PARG: variants seen among roughly 807,000 people sequenced by gnomAD.
PARG encodes mitochondrial poly(ADP-ribose) glycohydrolase.
In PARG, 35 loss-of-function variants were observed where a neutral mutation model predicts 113.0. The observed-to-expected ratio is 0.31, with a 90% CI of 0.24 to 0.41. PARG has a LOEUF of 0.41. Among genes scored for constraint, PARG ranks in the 10% least tolerant of loss-of-function variants. The probability of loss-of-function intolerance (pLI) is 1.00; values close to 1 mark genes in which losing one functional copy is unlikely to be tolerated. For synonymous variants in PARG, 330 were observed against 409.9 expected, an observed-to-expected ratio of 0.81 and a Z score of 2.36; for missense variants, 797 against 1,169.4, an observed-to-expected ratio of 0.68 and a Z score of 4.64.
intron 7 of PARG, among the ~76,000 whole-genome samples, chr10:49,887,842 G>A (rs1847573329): frequency 6.6e-6 from 1 of 152,108 alleles, no homozygotes; most frequent in African/African-American, 2.4e-5. Flanking sequence ...AATTCACTCT[G>A]CACATCTGTC....
chr10:49,884,032 G>A (rs1236321689), intron 8 of PARG, among the ~76,000 whole-genome samples: 2 of 152,028 alleles, frequency 1.3e-5, no homozygotes, highest in Admixed American at 1.3e-4. Context: ...CCATGTCAGG[G>A]CGTTCTGCCA....
intron 16 of PARG, among the ~76,000 whole-genome samples, chr10:49,820,873 A>G (rs1844040100): frequency 6.6e-6 from 1 of 152,198 alleles, no homozygotes; most frequent in Admixed American, 6.5e-5. Context: ...GCTGCAAACC[A>G]TGGGACTAAG....
chr10:49,919,808 G>A (rs2132873163), intron 6 of PARG, among the ~76,000 whole-genome samples: 1 of 152,304 alleles, frequency 6.6e-6, no homozygotes, highest in Middle Eastern at 3.4e-3. Context: ...TTGAGCCAGG[G>A]AGGTGTAGGT....
At chr10:49,886,394 G>C (rs1431196099) in intron 7 of PARG, among the ~76,000 whole-genome samples, 1 of 152,204 alleles carries the variant, frequency 6.6e-6, no homozygotes, top group Non-Finnish European at 1.5e-5. Context: ...TATTTGCCCT[G>C]ATTTTGCCAG....
intron 4 of PARG, among the ~76,000 whole-genome samples, chr10:49,923,056 T>C (rs185131287): frequency 2.2e-3 from 329 of 152,348 alleles, no homozygotes; most frequent in African/African-American, 7.6e-3. Context: ...TCATATACGT[T>C]CTTATCAAAA....
chr10:49,908,292 T>C (rs1836972885), intron 7 of PARG, among the ~76,000 whole-genome samples: 2 of 152,194 alleles, frequency 1.3e-5, no homozygotes, highest in Admixed American at 1.3e-4. Context: ...TATGTCCCAA[T>C]TCAAAAGCAC....
chr10:49,908,635 A>G (rs1836992333), intron 7 of PARG: 1 of 152,230 alleles, frequency 6.6e-6, no homozygotes, highest in Non-Finnish European at 1.5e-5. Context: ...TGTGACAAAT[A>G]TAACAAAGAT....
At chr10:49,940,890 C>T (rs1187799425) in intron 1 of PARG, among the ~76,000 whole-genome samples, 3 of 152,164 alleles carry the variant, frequency 2.0e-5, no homozygotes, top group Non-Finnish European at 4.4e-5. Flanking sequence ...TTCTACAGTC[C>T]TCAGAATAAG....
chr10:49,852,576 T>C (rs1554834387), intron 13 of PARG, among the ~76,000 whole-genome samples: 2 of 146,680 alleles, frequency 1.4e-5, no homozygotes, highest in African/African-American at 5.0e-5. Context: ...CTTTTTTTCT[T>C]TTTTTTGAGA....
chr10:49,879,544 G>A, intron 9 of PARG, 129 bp downstream of exon 9: 6 of 599,652 alleles, frequency 1.0e-5, no homozygotes, highest in Admixed American at 3.1e-5. Context: ...TGTCACTTAA[G>A]TACTGTAAAA....
chr10:49,839,398 C>T (rs961360255), intron 15 of PARG, among the ~76,000 whole-genome samples: 23 of 152,052 alleles, frequency 1.5e-4, no homozygotes, highest in African/African-American at 5.3e-4. Context: ...TTTTGAGACA[C>T]TTCCATAAGG....
At chr10:49,915,542 C>T (rs1837425139) in intron 7 of PARG, among the ~76,000 whole-genome samples, 1 of 151,974 alleles carries the variant, frequency 6.6e-6, no homozygotes, top group South Asian at 2.1e-4. Context: ...GAAACAATAT[C>T]AAATATGGGA....
intron 4 of PARG, among the ~76,000 whole-genome samples, chr10:49,926,493 C>T (rs1187880421): frequency 2.6e-5 from 4 of 152,098 alleles, no homozygotes; most frequent in African/African-American, 9.7e-5. Flanking sequence ...TTCAGAAACT[C>T]AGACCCCCGC....
At chr10:49,827,798 C>A (rs1185045725) in intron 16 of PARG, among the ~76,000 whole-genome samples, 2 of 150,722 alleles carry the variant, frequency 1.3e-5, no homozygotes, top group African/African-American at 4.9e-5. Flanking sequence ...CTTATTTATA[C>A]CTTTCAGAGA....
Position 49,922,378 on chromosome 10 carries a change from C to T in PARG, c.1620G>A (p.Gln540=), listed in dbSNP as rs574085238. 2 of 1,606,636 alleles carry T rather than the reference C, an allele frequency of 1.2e-6. No individual in the cohort carries two copies. The highest frequency in any genetic ancestry group is 1.3e-5 in the African/African-American group (1 of 74,720). Residue 540 remains glutamine, a synonymous_variant, in exon 6 of 18, where the codon CAG becomes CAA. Transcript: ENST00000616448. The stretch of plus-strand genomic sequence containing the variant: ...GTGTAAATTTGTTGAGAAGTGCAGT[C>T]TGAATGAGCTCCCACCGGCTCCCCG... ...RTAGSRWELI[Q]TALLNKFTRP...
At chr10:49,841,034 C>T (rs976971396) in intron 15 of PARG, among the ~76,000 whole-genome samples, 1 of 152,122 alleles carries the variant, frequency 6.6e-6, no homozygotes, top group Non-Finnish European at 1.5e-5. Flanking sequence ...GGCAGGATCG[C>T]CTGAGGTCAG....
intron 6 of PARG, among the ~76,000 whole-genome samples, chr10:49,919,012 C>T (rs532759469): frequency 1.3e-5 from 2 of 152,150 alleles, no homozygotes; most frequent in East Asian, 1.9e-4. Context: ...ATGATCTCGG[C>T]TCACTGCAAC....
chr10:49,843,625 C>A lies in PARG; in HGVS notation c.2361G>T (p.Glu787Asp). ...CATAGCCTGTGTATTCACTGTACTG[C>A]TCAGTACCTGAAACAAACAATCTGT... ...HNECLIITGT[E>D]QYSEYTGYAE... Residue 787 changes from glutamate (E) to aspartate (D), a missense_variant, in exon 14 of 18, where the codon GAG becomes GAT. By Grantham distance (45) the Glu-to-Asp change is conservative. This residue lies in a region of PARG where 194 missense variants were observed against 247.1 expected (regional missense o/e 0.79). Transcript: ENST00000616448. 1 of 1,547,176 alleles carries A rather than the reference C, an allele frequency of 6.5e-7. No individual in the cohort carries two copies.
At chr10:49,934,235 T>C in intron 2 of PARG, 72 bp from the exon 3 acceptor site, 1 of 689,372 alleles carries the variant, frequency 1.5e-6, no homozygotes, top group South Asian at 1.8e-5. Context: ...ATACCCCCAG[T>C]GTCACAGCAG....
Sources: allele counts gnomAD v4.1 joint callset (sites outside exome capture counted in the v4.1 genomes callset), GRCh38; gene constraint gnomAD v4.1.1; regional missense constraint gnomAD v4.1.1; transcripts MANE v1.5; gene names NCBI Gene and HGNC (gene_info 2026-07-23, HGNC 2026-07-21).